The following DHRSX variants were observed in gnomAD, a reference collection of about 807,000 sequenced individuals.
The protein encoded by DHRSX is polyprenol dehydrogenase.
Under a neutral mutation model 34.0 loss-of-function variants are expected in DHRSX, and 31 were observed. The observed-to-expected ratio is 0.91, with a 90% confidence interval of 0.69 to 1.23. The LOEUF (loss-of-function observed/expected upper bound fraction) is 1.23, where lower values mean the gene tolerates loss of function less well. Among genes scored for constraint, DHRSX ranks in the 50% most tolerant of loss-of-function variants. The pLI is 0.00. For synonymous variants in DHRSX, 201 were observed against 183.8 expected (o/e 1.09, Z -0.76); for missense variants, 414 against 428.1 (o/e 0.97, Z 0.29).
At chrX:2,410,925 A>C (rs1248236371) in intron 2 of DHRSX, among the ~76,000 whole-genome samples, 7 of 152,202 alleles carry the variant, frequency 4.6e-5, no homozygotes, top group Non-Finnish European at 2.9e-5. Flanking sequence ...TGCACCTTTG[A>C]CTTCCTTAAA....
chrX:2,225,792 G>C (rs2015646000), intron 6 of DHRSX, among the ~76,000 whole-genome samples: 1 of 151,990 alleles, frequency 6.6e-6, no homozygotes, highest in Non-Finnish European at 1.5e-5. Context: ...GGAGGAACCA[G>C]CCCTGCCCAC....
At chrX:2,319,190 T>G (rs974774453) in intron 3 of DHRSX, among the ~76,000 whole-genome samples, 2 of 150,802 alleles carry the variant, frequency 1.3e-5, no homozygotes, top group Admixed American at 6.7e-5. Flanking sequence ...CCGAGATGAC[T>G]CCTCCTCCCT....
chrX:2,274,990 G>C (rs2041605805), intron 4 of DHRSX, among the ~76,000 whole-genome samples: 1 of 152,070 alleles, frequency 6.6e-6, no homozygotes. Context: ...TCATGGCCTA[G>C]GAAGAGATGA....
intron 3 of DHRSX, among the ~76,000 whole-genome samples, chrX:2,347,563 G>A (rs570951111): frequency 4.6e-5 from 7 of 152,122 alleles, no homozygotes; most frequent in African/African-American, 7.2e-5. Flanking sequence ...GCATGGTGGC[G>A]GGCACCTGTA....
At chrX:2,270,545 A>ATGTT (rs1376468741) in intron 4 of DHRSX, among the ~76,000 whole-genome samples, 79 of 151,538 alleles carry the variant, frequency 5.2e-4, no homozygotes, top group Non-Finnish European at 9.9e-4. Context: ...GGGCCCACAG[A>ATGTT]AGACTCAGCA....
intron 5 of DHRSX, among the ~76,000 whole-genome samples, chrX:2,261,126 T>C (rs889942183): frequency 1.8e-4 from 28 of 152,016 alleles, no homozygotes; most frequent in Admixed American, 3.3e-4. Flanking sequence ...GGGAGAATCA[T>C]TGGAACCCGG....
intron 1 of DHRSX, among the ~76,000 whole-genome samples, chrX:2,473,848 G>A (rs1184602457): frequency 7.1e-6 from 1 of 140,572 alleles, no homozygotes; most frequent in Admixed American, 6.8e-5. Context: ...ATCTGGGTGG[G>A]GCTGGGGAGC....
intron 1 of DHRSX, among the ~76,000 whole-genome samples, chrX:2,491,173 G>A (rs1164960728): frequency 1.3e-5 from 2 of 150,564 alleles, no homozygotes; most frequent in Admixed American, 6.7e-5. Context: ...GGGTTCAAGC[G>A]ATCTTCCTGC....
At chrX:2,360,764 G>GTT (rs2042923713) in intron 3 of DHRSX, among the ~76,000 whole-genome samples, 1 of 151,866 alleles carries the variant, frequency 6.6e-6, no homozygotes, top group South Asian at 2.1e-4. Context: ...ACCGAGACAC[G>GTT]GCCCGATGTG....
chrX:2,500,760 G>C, intron 1 of DHRSX, 57 bp downstream of exon 1: 1 of 788,614 alleles, frequency 1.3e-6, no homozygotes, highest in Non-Finnish European at 1.5e-6. Context: ...CCGCCCCCGA[G>C]CCAGCCCGCG....
intron 3 of DHRSX, among the ~76,000 whole-genome samples, chrX:2,350,058 G>A (rs985057522): frequency 4.0e-5 from 6 of 149,032 alleles, no homozygotes; most frequent in South Asian, 2.2e-4. Context: ...AAAAAAGAAC[G>A]TAATTGGCCA....
At chrX:2,265,449 G>A (rs780107449) in intron 5 of DHRSX, among the ~76,000 whole-genome samples, 5 of 120,512 alleles carry the variant, frequency 4.1e-5, no homozygotes, top group South Asian at 3.0e-4. Flanking sequence ...TCCAGCAGAC[G>A]CAGGGAGCAC....
intron 3 of DHRSX, among the ~76,000 whole-genome samples, chrX:2,403,730 T>C (rs1469069865): frequency 6.6e-6 from 1 of 151,652 alleles, no homozygotes; most frequent in African/African-American, 2.4e-5. Flanking sequence ...GTGGTGGGTG[T>C]CTGTGATCCC....
At chrX:2,237,536 G>A (rs915997193) in intron 6 of DHRSX, among the ~76,000 whole-genome samples, 2 of 148,910 alleles carry the variant, frequency 1.3e-5, no homozygotes, top group African/African-American at 2.5e-5. Flanking sequence ...ATGGAGTTTC[G>A]CTCTTGTCGT....
intron 3 of DHRSX, among the ~76,000 whole-genome samples, chrX:2,299,015 T>TG (rs2041980335): frequency 6.7e-5 from 4 of 59,646 alleles, no homozygotes; most frequent in African/African-American, 1.5e-4. Flanking sequence ...AAAAAAAAAA[T>TG]GGGAAAAATG....
intron 1 of DHRSX, among the ~76,000 whole-genome samples, chrX:2,477,504 C>T (rs1385861112): frequency 1.3e-5 from 2 of 152,122 alleles, no homozygotes; most frequent in African/African-American, 4.8e-5. Flanking sequence ...ACTCATTTGT[C>T]ACAGGTGGAA....
At chrX:2,476,796 G>C (rs1178974884) in intron 1 of DHRSX, among the ~76,000 whole-genome samples, 1 of 152,122 alleles carries the variant, frequency 6.6e-6, no homozygotes, top group Non-Finnish European at 1.5e-5. Context: ...CTGAGGTCGG[G>C]AGTTCAAGAC....
At chrX:2,256,229 G>A (rs2041276616) in intron 5 of DHRSX, among the ~76,000 whole-genome samples, 1 of 147,620 alleles carries the variant, frequency 6.8e-6, no homozygotes. Flanking sequence ...TCCTGACCTT[G>A]CGATCCACCC....
chrX:2,223,449 G>C (rs1488155708), intron 6 of DHRSX, among the ~76,000 whole-genome samples: 1 of 152,056 alleles, frequency 6.6e-6, no homozygotes, highest in African/African-American at 2.4e-5. Flanking sequence ...AGCAGCATGA[G>C]AACAGACTAA....
Sources: gnomAD v4.1 joint callset for allele counts (sites outside exome capture counted in the v4.1 genomes callset) on GRCh38, gnomAD v4.1.1 for gene constraint, MANE v1.5 for transcripts, NCBI Gene and HGNC (gene_info 2026-07-23, HGNC 2026-07-21) for gene names.